Variants in SLC30A10 observed in about 807,000 individuals in gnomAD.
SLC30A10 encodes the protein solute carrier family 30 member 10.
In SLC30A10, 8 loss-of-function variants were observed where a neutral mutation model predicts 21.7. That is an observed-to-expected ratio of 0.37 (90% CI 0.22 to 0.67). The LOEUF is 0.67. SLC30A10 is among the 30% of genes least tolerant of loss of function. The pLI is 0.58. For missense variants in SLC30A10, 521 were observed against 642.5 expected (o/e 0.81, Z 2.04); for synonymous variants, 272 against 279.4 (o/e 0.97, Z 0.26).
intron 1 of SLC30A10, among the ~76,000 whole-genome samples, chr1:219,955,995 C>A (rs7539937): frequency 6.6e-6 from 1 of 151,818 alleles, no homozygotes; most frequent in African/African-American, 2.4e-5. Flanking sequence ...CAATTTATGA[C>A]GTTCGTCTGA....
Position 219,922,841 on chromosome 1 carries a change from A to G in SLC30A10, c.718+4187T>C, listed in dbSNP as rs112952178. Among the ~76,000 whole-genome samples, 1,409 of 151,906 alleles carry G rather than the reference A, an allele frequency of 9.3e-3. 9 individuals are homozygous for G. Among genetic ancestry groups the G allele is most frequent in the Middle Eastern group, 0.061 (18 of 294 alleles). On this transcript the variant is annotated intron_variant, in intron 2 of 3. Coordinates refer to ENST00000366926, the MANE Select transcript of SLC30A10 (RefSeq NM_018713.3). ...CGCACAACACAGTGATGTTGGTCCT[A>G]TTATCTCCATTATATAGATGACGGG...
intron 2 of SLC30A10, among the ~76,000 whole-genome samples, chr1:219,925,652 T>TATATATATATATATATATA (rs1491117690): frequency 1.5e-3 from 58 of 38,012 alleles, no homozygotes; most frequent in East Asian, 3.0e-3. Context: ...TATATATATA[T>TATATATATATATATATATA]TTTTTTTTTT....
intron 1 of SLC30A10, among the ~76,000 whole-genome samples, chr1:219,943,404 A>T (rs533835734): frequency 1.6e-4 from 25 of 152,304 alleles, no homozygotes; most frequent in African/African-American, 5.3e-4. Flanking sequence ...GTGTCAACAG[A>T]GGCCAAGTGG....
intron 1 of SLC30A10, among the ~76,000 whole-genome samples, chr1:219,947,078 C>T (rs188389012): frequency 2.6e-5 from 4 of 152,276 alleles, no homozygotes; most frequent in Non-Finnish European, 5.9e-5. Context: ...CCAGTTGCCC[C>T]TTCAACCTGA....
chr1:219,949,838 T>G (rs1332123992), intron 1 of SLC30A10, among the ~76,000 whole-genome samples: 1 of 151,836 alleles, frequency 6.6e-6, no homozygotes, highest in East Asian at 1.9e-4. Context: ...GTACACAATG[T>G]TTTCAAAAAG....
chr1:219,944,061 C>T (rs1660152778), intron 1 of SLC30A10, among the ~76,000 whole-genome samples: 1 of 150,548 alleles, frequency 6.6e-6, no homozygotes, highest in African/African-American at 2.5e-5. Context: ...GATCATGCCA[C>T]TGCACTCCAG....
At chr1:219,923,769 T>A (rs1298441702) in intron 2 of SLC30A10, among the ~76,000 whole-genome samples, 1 of 152,188 alleles carries the variant, frequency 6.6e-6, no homozygotes. Context: ...TCCTTAGAAC[T>A]CATTTGTTTG....
chr1:219,942,579 C>T lies in SLC30A10; in HGVS notation n.81-15474G>A, dbSNP rs186002228. 8.3e-4 allele frequency among the ~76,000 whole-genome samples: 126 copies of T among 152,258 alleles called. 1 individual carries two copies. The highest frequency in any genetic ancestry group is 2.8e-3 in the African/African-American group (117 of 41,540). On this transcript the variant is annotated intron_variant and non_coding_transcript_variant, in intron 1 of 8. Transcript: ENST00000484239. ...GGTAATGCAGTCTAAAGTCATGCTA[C>T]GTATGTAATAATAATAACTCAGGCA...
rs375831772 is a variant in SLC30A10, at chr1:219,915,515, A to G, written c.1392T>C (p.Ser464=). 1.5e-5 allele frequency: 25 copies of G among 1,614,126 alleles called. No individual in the cohort carries two copies. The highest frequency in any genetic ancestry group is 2.0e-5 in the Non-Finnish European group (24 of 1,180,048). Reference sequence around the variant, plus strand: ...TTTTGTTAAGACTTTGTCCGTGGTCACTCAGACAGCTATCCAAAGACACTT... The same window carrying G: ...TTTTGTTAAGACTTTGTCCGTGGTCGCTCAGACAGCTATCCAAAGACACTT... ...AIEVSLDSCL[S]DHGQSLNKTQ... is the part of the protein sequence containing the mutation. Residue 464 remains serine (S), a synonymous_variant, in exon 4 of 4, where the codon AGT becomes AGC. Transcript: ENST00000366926.
chr1:219,931,428 TAC>T (rs10643455), upstream of SLC30A10, among the ~76,000 whole-genome samples: 3 of 150,928 alleles, frequency 2.0e-5, no homozygotes, highest in Admixed American at 6.6e-5. Flanking sequence ...GTACTAAAAC[TAC>T]ACACACACAC....
At chr1:219,939,706 G>T (rs184396681) in intron 1 of SLC30A10, among the ~76,000 whole-genome samples, 3 of 152,144 alleles carry the variant, frequency 2.0e-5, no homozygotes, top group Admixed American at 6.5e-5. Context: ...GGGATTACAG[G>T]TGTGAGCCAC....
chr1:219,918,600 T>G lies in SLC30A10; in HGVS notation c.719-106A>C. The G allele has an allele frequency of 6.9e-7, 1 of 1,452,834 alleles. No homozygotes were observed. The highest frequency in any genetic ancestry group is 9.1e-7 in the Non-Finnish European group (1 of 1,095,508). The allele number at this position is 1,452,834 out of a possible 1,614,324, so 90.0% of individuals were successfully genotyped here. A position where few individuals can be genotyped will look rare whatever the true frequency, so the allele number is the denominator to read the frequency against. The stretch of plus-strand genomic sequence containing the variant: ...ATGAATATCTGTTACCATTTGGAGT[T>G]TTTTGGTTTTTGTTTTGGTTAGAAC... On this transcript the variant is annotated intron_variant, in intron 2 of 3. Transcript: ENST00000366926. This position sits in a 1 kb window ranked among gnomAD's most constrained non-coding sequence, Gnocchi z 4.4.
chr1:219,955,904 G>A (rs1660342848), intron 1 of SLC30A10, among the ~76,000 whole-genome samples: 1 of 152,142 alleles, frequency 6.6e-6, no homozygotes, highest in East Asian at 1.9e-4. Context: ...CCCTCTCATA[G>A]TTTATAACTC....
At chr1:219,942,593 A>T (rs958533862) in intron 1 of SLC30A10, among the ~76,000 whole-genome samples, 1 of 152,246 alleles carries the variant, frequency 6.6e-6, no homozygotes, top group African/African-American at 2.4e-5. Flanking sequence ...TGTAATAATA[A>T]TAACTCAGGC....
intron 1 of SLC30A10, among the ~76,000 whole-genome samples, chr1:219,952,440 C>T (rs1660283291): frequency 6.6e-6 from 1 of 152,054 alleles, no homozygotes; most frequent in Non-Finnish European, 1.5e-5. Context: ...TGATTATTGC[C>T]AAATAACTTT....
Position 219,918,862 on chromosome 1 carries a change from T to C in SLC30A10, c.719-368A>G, listed in dbSNP as rs759653335. 7.0e-5 allele frequency: 13 copies of C among 185,466 alleles called. No homozygotes were observed. Among genetic ancestry groups the C allele is most frequent in the Non-Finnish European group, 1.4e-4 (13 of 90,574 alleles). The allele number at this position is 185,466 out of a possible 1,614,324, so 11.5% of individuals were successfully genotyped here. A position where few individuals can be genotyped will look rare whatever the true frequency, so the allele number is the denominator to read the frequency against. The stretch of plus-strand genomic sequence containing the variant: ...TCTTTTTCTTTCAGACAATCATCTG[T>C]GCTTTACGTTGTTTTAAACATGTTT... On this transcript the variant is annotated intron_variant, in intron 2 of 3. Coordinates refer to ENST00000366926, the MANE Select transcript of SLC30A10 (RefSeq NM_018713.3). This position sits in a 1 kb window ranked among gnomAD's most constrained non-coding sequence, Gnocchi z 4.4.
Position 219,915,459 on chromosome 1 carries a change from G to T in SLC30A10, c.1448C>A (p.Thr483Lys). The change falls in exon 4 of 4, where the codon ACG (threonine) becomes AAG (lysine). Residue 483 changes from threonine (T) to lysine (K), a missense_variant. By Grantham distance (78) the Thr-to-Lys change is moderately conservative. Transcript: ENST00000366926. ...TQEDQCYVNR[T>K]HF is the part of the protein sequence containing the mutation. ...TATGTGAGTACCAGATTAAAAATGCGTTCTGTTGACATAACATTGGTCCTC... is the reference window on the plus strand; with the variant it reads ...TATGTGAGTACCAGATTAAAAATGCTTTCTGTTGACATAACATTGGTCCTC... 1 of 1,613,680 alleles carries T rather than the reference G, an allele frequency of 6.2e-7. No individual in the cohort carries two copies. The highest frequency in any genetic ancestry group is 1.3e-5 in the African/African-American group (1 of 75,052).
At position 219,928,183 on chromosome 1, in the gene SLC30A10, C is replaced by G; in HGVS notation, c.258G>C (p.Ala86=). 6.4e-7 allele frequency: 1 copy of G among 1,559,348 alleles called. No homozygotes were observed. The highest frequency in any genetic ancestry group is 8.7e-7 in the Non-Finnish European group (1 of 1,151,756). ...RAEVVGALSN[A]VFLTALCFTI... ...TGAAGCAGAGCGCGGTGAGGAAGACCGCGTTGCTCAGCGCGCCCACCACCT... is the reference window on the plus strand; with the variant it reads ...TGAAGCAGAGCGCGGTGAGGAAGACGGCGTTGCTCAGCGCGCCCACCACCT... The change falls in exon 1 of 4, where the codon GCG becomes GCC. Residue 86 remains alanine (A), a synonymous_variant. Coordinates refer to ENST00000366926, the MANE Select transcript of SLC30A10 (RefSeq NM_018713.3). This position sits in a 1 kb window ranked among gnomAD's most constrained non-coding sequence, Gnocchi z 6.3.
chr1:219,915,602 G>A lies in SLC30A10; in HGVS notation c.1305C>T (p.Pro435=). Residue 435 remains proline, a synonymous_variant, in exon 4 of 4, where the codon CCC becomes CCT. Transcript: ENST00000366926. The part of the protein sequence containing the change: ...VNGCAEHNGG[P]SLDTYGSDGL... ...CATCACTTCCGTATGTGTCTAGAGA[G>A]GGCCCACCATTGTGCTCAGCACAGC... 1 of 1,614,242 alleles carries A rather than the reference G, an allele frequency of 6.2e-7. No homozygotes were observed. Among genetic ancestry groups the A allele is most frequent in the Non-Finnish European group, 8.5e-7 (1 of 1,180,050 alleles).
Sources: allele counts gnomAD v4.1 joint callset (sites outside exome capture counted in the v4.1 genomes callset), GRCh38; gene constraint gnomAD v4.1.1; non-coding constraint Gnocchi (gnomAD v3.1); transcripts MANE v1.5; gene names NCBI Gene and HGNC (gene_info 2026-07-23, HGNC 2026-07-21).